KCNQ5: variants seen among roughly 807,000 people sequenced by gnomAD.
The protein encoded by KCNQ5 is potassium voltage-gated channel subfamily KQT member 5.
In KCNQ5, 30 loss-of-function variants were observed where a neutral mutation model predicts 98.2. The ratio of observed to expected loss-of-function variants is 0.31; its 90% CI spans 0.23 to 0.41. KCNQ5 has a LOEUF of 0.41. Ranked by LOEUF, KCNQ5 falls within the 10% of genes least tolerant of loss-of-function variation. The pLI is 1.00. For synonymous variants in KCNQ5, 458 were observed against 449.4 expected, an observed-to-expected ratio of 1.02 and a Z score of -0.24; for missense variants, 835 against 1,182.5, an observed-to-expected ratio of 0.71 and a Z score of 4.31.
At chr6:72,654,520 AGGCAT>A (rs1312886564) in intron 1 of KCNQ5, among the ~76,000 whole-genome samples, 1 of 152,048 alleles carries the variant, frequency 6.6e-6, no homozygotes, top group Non-Finnish European at 1.5e-5. Flanking sequence ...ACAATGTACT[AGGCAT>A]GAAGTGTTGG....
intron 1 of KCNQ5, among the ~76,000 whole-genome samples, chr6:72,930,102 AG>A (rs1208421039): frequency 6.6e-6 from 1 of 151,978 alleles, no homozygotes; most frequent in Non-Finnish European, 1.5e-5. Context: ...AGCTTTCTTA[AG>A]TCATCTTTGC....
intron 3 of KCNQ5, among the ~76,000 whole-genome samples, chr6:73,065,132 G>A (rs1375888283): frequency 6.6e-6 from 1 of 151,228 alleles, no homozygotes; most frequent in East Asian, 1.9e-4. Flanking sequence ...TCTACCAAAT[G>A]CCTACTAGCC....
intron 10 of KCNQ5, among the ~76,000 whole-genome samples, chr6:73,143,237 G>A (rs185766040): frequency 7.9e-5 from 12 of 152,296 alleles, no homozygotes; most frequent in Admixed American, 7.8e-4. Flanking sequence ...AGCTTAAGGA[G>A]ATCAAACCAG....
chr6:72,981,995 T>C (rs1362039509), intron 1 of KCNQ5, among the ~76,000 whole-genome samples: 2 of 152,208 alleles, frequency 1.3e-5, no homozygotes, highest in Non-Finnish European at 2.9e-5. Context: ...TGAGTTCTAA[T>C]TTGATTGCAC....
Position 72,740,024 on chromosome 6 carries a change from A to G in KCNQ5, c.398+117437A>G, listed in dbSNP as rs564740244. Among the ~76,000 whole-genome samples, 7 of 152,294 alleles carry G rather than the reference A, an allele frequency of 4.6e-5. No individual in the cohort carries two copies. The South Asian group carries it at 1.2e-3, about 27-fold the overall frequency. ...ACTTGGATTATCTGCTCAGGGTCTCACTTGGTTGAAATCAAGGTGTTGGCC... is the reference window on the plus strand; with the variant it reads ...ACTTGGATTATCTGCTCAGGGTCTCGCTTGGTTGAAATCAAGGTGTTGGCC... On this transcript the variant is annotated intron_variant, in intron 1 of 13. Transcript: ENST00000370398.
chr6:73,125,458 A>G (rs778053853), intron 9 of KCNQ5: 3 of 517,520 alleles, frequency 5.8e-6, no homozygotes, highest in Non-Finnish European at 1.2e-5. Flanking sequence ...GAAGAGATAC[A>G]TTTTTTTTCC....
chr6:72,652,070 CACTT>C (rs1273127039), intron 1 of KCNQ5, among the ~76,000 whole-genome samples: 1 of 151,920 alleles, frequency 6.6e-6, no homozygotes. Context: ...TCAATGCTCA[CACTT>C]ACACTCACTT....
intron 10 of KCNQ5, among the ~76,000 whole-genome samples, chr6:73,166,084 G>A (rs922311480): frequency 2.6e-5 from 4 of 152,120 alleles, no homozygotes; most frequent in Admixed American, 2.6e-4. Context: ...CGCTCGGCAA[G>A]TTTCTTAGCC....
chr6:72,745,482 C>A (rs1771348536), intron 1 of KCNQ5, among the ~76,000 whole-genome samples: 1 of 152,212 alleles, frequency 6.6e-6, no homozygotes, highest in Non-Finnish European at 1.5e-5. Flanking sequence ...AGAGTACTTG[C>A]AACTTTTCAT....
intron 1 of KCNQ5, among the ~76,000 whole-genome samples, chr6:72,790,763 G>C (rs1417714950): frequency 2.6e-5 from 4 of 152,028 alleles, no homozygotes; most frequent in African/African-American, 9.7e-5. Context: ...GTTTCTATTA[G>C]GGAAAAATAA....
intron 1 of KCNQ5, among the ~76,000 whole-genome samples, chr6:72,913,323 CT>C (rs1399691857): frequency 6.6e-6 from 1 of 152,010 alleles, no homozygotes; most frequent in African/African-American, 2.4e-5. Context: ...TAAAATACAT[CT>C]TCAAGGCCAC....
At chr6:72,905,258 G>A (rs1306580943) in intron 1 of KCNQ5, among the ~76,000 whole-genome samples, 1 of 151,972 alleles carries the variant, frequency 6.6e-6, no homozygotes, top group African/African-American at 2.4e-5. Context: ...TTATTTCATT[G>A]AATATTTCTC....
At chr6:73,066,787 C>T (rs192281250) in intron 3 of KCNQ5, among the ~76,000 whole-genome samples, 17 of 152,152 alleles carry the variant, frequency 1.1e-4, no homozygotes, top group African/African-American at 4.1e-4. Context: ...CTTTATGCTT[C>T]CATGCTTTAC....
At chr6:72,803,983 T>C (rs965663551) in intron 1 of KCNQ5, among the ~76,000 whole-genome samples, 12 of 152,162 alleles carry the variant, frequency 7.9e-5, no homozygotes, top group African/African-American at 2.4e-4. Context: ...AATATATAAA[T>C]ATAGATTGAT....
At chr6:72,736,084 TACACACAC>T (rs59201837) in intron 1 of KCNQ5, among the ~76,000 whole-genome samples, 2 of 148,524 alleles carry the variant, frequency 1.3e-5, no homozygotes, top group Non-Finnish European at 3.0e-5. Flanking sequence ...TGTGTACACA[TACACACAC>T]ACACACACAC....
chr6:73,142,306 A>G (rs562010012), intron 10 of KCNQ5, among the ~76,000 whole-genome samples: 2 of 152,340 alleles, frequency 1.3e-5, no homozygotes, highest in East Asian at 1.9e-4. Context: ...GAGTCAGGCT[A>G]CCACAAATGC....
At chr6:72,889,335 A>C (rs1222739603) in intron 1 of KCNQ5, among the ~76,000 whole-genome samples, 1 of 151,356 alleles carries the variant, frequency 6.6e-6, no homozygotes, top group Non-Finnish European at 1.5e-5. Context: ...AGGACCTTGG[A>C]GCCTCGGAAG....
At chr6:72,973,771 T>C (rs1479586456) in intron 1 of KCNQ5, among the ~76,000 whole-genome samples, 1 of 152,224 alleles carries the variant, frequency 6.6e-6, no homozygotes, top group East Asian at 1.9e-4. Flanking sequence ...AGAAACAGTT[T>C]TTCTGTCACT....
At chr6:72,768,701 T>C (rs777736347) in intron 1 of KCNQ5, among the ~76,000 whole-genome samples, 1 of 152,056 alleles carries the variant, frequency 6.6e-6, no homozygotes, top group Non-Finnish European at 1.5e-5. Flanking sequence ...CATATCACAA[T>C]CTACTTCATG....
Sources: allele counts gnomAD v4.1 joint callset (sites outside exome capture counted in the v4.1 genomes callset), GRCh38; gene constraint gnomAD v4.1.1; transcripts MANE v1.5; gene names NCBI Gene and HGNC (gene_info 2026-07-23, HGNC 2026-07-21).